The following CIMAP3 variants were observed in gnomAD, a reference collection of about 807,000 sequenced individuals.
CIMAP3 encodes ciliary microtubule associated protein 3.
chr1:111,346,889 A>G, the CIMAP3 span: 7 of 1,611,550 alleles, frequency 4.3e-6, no homozygotes, highest in East Asian at 8.9e-5. Context: ...CCTCACGTGG[A>G]GCCTCTCCTC....
chr1:111,347,373 T>C, the CIMAP3 span, among the ~76,000 whole-genome samples: 1 of 152,036 alleles, frequency 6.6e-6, no homozygotes, highest in Non-Finnish European at 1.5e-5. Flanking sequence ...TGCATTAGAG[T>C]AAGTTCAGCT....
chr1:111,324,976 A>T, the CIMAP3 span: 1 of 740,844 alleles, frequency 1.3e-6, no homozygotes, highest in Non-Finnish European at 1.6e-6. Flanking sequence ...GAATATTCAC[A>T]AGGTCTCTGA....
At chr1:111,328,731 CTA>C in the CIMAP3 span, among the ~76,000 whole-genome samples, 1 of 152,170 alleles carries the variant, frequency 6.6e-6, no homozygotes, top group Non-Finnish European at 1.5e-5. Context: ...TATTTTCAGC[CTA>C]TGAGTGTCAT....
At chr1:111,327,034 A>G in the CIMAP3 span, among the ~76,000 whole-genome samples, 1 of 151,978 alleles carries the variant, frequency 6.6e-6, no homozygotes, top group African/African-American at 2.4e-5. Context: ...CTCCCATTCA[A>G]CAGGTTATCT....
At chr1:111,347,989 A>C in the CIMAP3 span, among the ~76,000 whole-genome samples, 1 of 152,232 alleles carries the variant, frequency 6.6e-6, no homozygotes, top group Admixed American at 6.5e-5. Context: ...GTGGAAAACA[A>C]TTTACTGAAG....
chr1:111,347,045 C>G, the CIMAP3 span: 1 of 1,611,220 alleles, frequency 6.2e-7, no homozygotes, highest in Non-Finnish European at 8.5e-7. Context: ...TGTTATTTTT[C>G]AGATGTGAGT....
At chr1:111,346,830 C>A in the CIMAP3 span, 1 of 1,584,272 alleles carries the variant, frequency 6.3e-7, no homozygotes, top group Non-Finnish European at 8.6e-7. Context: ...TGCTCAGTCT[C>A]CCCGACCTTC....
the CIMAP3 span, chr1:111,346,577 C>G: frequency 2.5e-6 from 4 of 1,604,938 alleles, no homozygotes; most frequent in African/African-American, 2.7e-5. Context: ...CCCCGCGCTC[C>G]GCAGCTGGGA....
chr1:111,326,263 T>C, the CIMAP3 span, among the ~76,000 whole-genome samples: 1 of 152,148 alleles, frequency 6.6e-6, no homozygotes, highest in Non-Finnish European at 1.5e-5. Context: ...TCTAAGTGTA[T>C]GTTTGTACCC....
chr1:111,326,205 A>T, the CIMAP3 span, among the ~76,000 whole-genome samples: 1 of 152,146 alleles, frequency 6.6e-6, no homozygotes, highest in South Asian at 2.1e-4. Context: ...ATTTGCTATC[A>T]ATAACCATAG....
the CIMAP3 span, chr1:111,352,476 A>G: frequency 6.6e-6 from 1 of 152,656 alleles, no homozygotes; most frequent in African/African-American, 2.4e-5. Context: ...GGGGTGCCTA[A>G]TTCCTTAAAG....
chr1:111,337,223 G>C, the CIMAP3 span, among the ~76,000 whole-genome samples: 1 of 152,154 alleles, frequency 6.6e-6, no homozygotes, highest in Non-Finnish European at 1.5e-5. Flanking sequence ...GGAACAACCA[G>C]TACCAGCCAC....
chr1:111,347,636 T>TTTTTG, the CIMAP3 span: 2 of 1,212,812 alleles, frequency 1.6e-6, no homozygotes, highest in Non-Finnish European at 1.2e-6. Context: ...TTTTTTTTTT[T>TTTTTG]TGGTGTTTTT....
At chr1:111,329,508 C>T in the CIMAP3 span, among the ~76,000 whole-genome samples, 6 of 123,052 alleles carry the variant, frequency 4.9e-5, no homozygotes, top group African/African-American at 1.8e-4. Context: ...GTCCTCTTCA[C>T]ATAAACCCAT....
At chr1:111,346,725 G>A in the CIMAP3 span, 3 of 1,593,362 alleles carry the variant, frequency 1.9e-6, no homozygotes, top group Admixed American at 3.3e-5. Flanking sequence ...GGGAAGGGTG[G>A]GGAAGCTGGG....
chr1:111,348,820 G>A, the CIMAP3 span: 1 of 661,650 alleles, frequency 1.5e-6, no homozygotes, highest in Non-Finnish European at 2.4e-6. Flanking sequence ...GTAGAATGTA[G>A]AATCATAGTT....
At chr1:111,324,898 G>A in the CIMAP3 span, 1 of 979,086 alleles carries the variant, frequency 1.0e-6, no homozygotes, top group Non-Finnish European at 1.2e-6. Flanking sequence ...TGGTAATCAT[G>A]TTCTTGGACT....
chr1:111,329,434 C>A, the CIMAP3 span, among the ~76,000 whole-genome samples: 1 of 148,426 alleles, frequency 6.7e-6, no homozygotes. Context: ...TATACTGATA[C>A]ATGTTTTCCA....
chr1:111,338,441 A>G, the CIMAP3 span, among the ~76,000 whole-genome samples: 8 of 151,168 alleles, frequency 5.3e-5, no homozygotes, highest in African/African-American at 1.2e-4. Flanking sequence ...CAAAATTGAT[A>G]GACCTCTAGC....
Sources: gnomAD v4.1 joint callset for allele counts (sites outside exome capture counted in the v4.1 genomes callset) on GRCh38, gnomAD v4.1.1 for gene constraint, MANE v1.5 for transcripts, NCBI Gene and HGNC (gene_info 2026-07-23, HGNC 2026-07-21) for gene names.